PUM3: variants seen among roughly 807,000 people sequenced by gnomAD.
The protein encoded by PUM3 is pumilio homolog 3.
A neutral mutation model predicts 84.0 loss-of-function variants in PUM3; 91 were observed. The observed-to-expected ratio is 1.08, with a 90% CI of 0.91 to 1.29. The LOEUF is 1.29. Among genes scored for constraint, PUM3 ranks in the 50% most tolerant of loss-of-function variants. PUM3 has a pLI of 0.00. For synonymous variants in PUM3, 321 were observed against 266.7 expected (o/e 1.20, Z -1.98); for missense variants, 1,067 against 767.5 (o/e 1.39, Z -4.61).
intron 2 of PUM3, among the ~76,000 whole-genome samples, 192 bp from the exon 3 acceptor site, chr9:2,837,593 G>A (rs187086796): frequency 3.9e-5 from 6 of 152,122 alleles, no homozygotes; most frequent in Admixed American, 3.9e-4. Flanking sequence ...TTCTTTCCTT[G>A]ATTATAAAAC....
Position 2,804,315 on chromosome 9 carries a change from TCTTAAC to T in PUM3, c.*10_*15del. ...AACAGAAAAAATCATTCCATCTTGC[TCTTAAC>T]TCTTTCCACCTATGTGCTCAGTTTT... On this transcript the variant is annotated 3_prime_UTR_variant, in exon 18 of 18. Coordinates refer to ENST00000397885, the MANE Select transcript of PUM3 (RefSeq NM_014878.5). 1 of 1,610,814 alleles carries T rather than the reference TCTTAAC, an allele frequency of 6.2e-7. No individual in the cohort carries two copies. The highest frequency in any genetic ancestry group is 8.5e-7 in the Non-Finnish European group (1 of 1,179,072).
intron 12 of PUM3, among the ~76,000 whole-genome samples, chr9:2,820,565 A>T (rs981562002): frequency 2.0e-5 from 3 of 152,128 alleles, no homozygotes; most frequent in African/African-American, 7.2e-5. Context: ...TACATAATAC[A>T]TGTACACAGA....
chr9:2,829,388 A>C (rs1815910327), intron 8 of PUM3, among the ~76,000 whole-genome samples: 1 of 152,184 alleles, frequency 6.6e-6, no homozygotes, highest in Admixed American at 6.5e-5. Flanking sequence ...CACATGAAAA[A>C]ACACAGGAGA....
At position 2,810,430 on chromosome 9, in the gene PUM3, A is replaced by G; in HGVS notation, c.1637T>C (p.Leu546Pro). The G allele has an allele frequency of 6.2e-7, 1 of 1,602,094 alleles. No individual in the cohort carries two copies. The highest frequency in any genetic ancestry group is 8.5e-7 in the Non-Finnish European group (1 of 1,173,350). The change falls in exon 16 of 18, where the codon CTT (leucine) becomes CCT (proline). Residue 546 changes from leucine (L) to proline (P), a missense_variant and splice_region_variant. Leu to Pro is a moderately conservative substitution (Grantham distance 98). Transcript: ENST00000397885. ...TCCTGCAGGATGTTCTGCAATGTGAAGCTATGAAGGGTCAAGAACAGTTAA... is the reference window on the plus strand; with the variant it reads ...TCCTGCAGGATGTTCTGCAATGTGAGGCTATGAAGGGTCAAGAACAGTTAA... ...GLHPGGKDGE[L>P]HIAEHPAGHL...
chr9:2,806,078 A>G (rs772724285), intron 17 of PUM3, among the ~76,000 whole-genome samples: 6 of 152,228 alleles, frequency 3.9e-5, no homozygotes, highest in Non-Finnish European at 5.9e-5. Context: ...AGTGCTCCAT[A>G]ATAAACCTAT....
intron 1 of PUM3, among the ~76,000 whole-genome samples, chr9:2,841,345 G>C (rs190307972): frequency 6.6e-6 from 1 of 152,154 alleles, no homozygotes; most frequent in Non-Finnish European, 1.5e-5. Flanking sequence ...CACTTTGGGA[G>C]GCTGAGGCAG....
At chr9:2,813,227 C>G (rs1023742356) in intron 13 of PUM3, among the ~76,000 whole-genome samples, 2 of 152,184 alleles carry the variant, frequency 1.3e-5, no homozygotes, top group Admixed American at 6.5e-5. Flanking sequence ...CATCCCCACC[C>G]TAACTAAACT....
intron 3 of PUM3, among the ~76,000 whole-genome samples, chr9:2,836,823 G>C (rs913281290): frequency 1.1e-4 from 17 of 152,062 alleles, no homozygotes; most frequent in African/African-American, 3.9e-4. Context: ...GTGTGTGTGT[G>C]TGTTTTGCCC....
rs1176852765 is a variant in PUM3, at chr9:2,833,406, ACT to A, written c.465_466del (p.Arg155SerfsTer6). On this transcript the variant is annotated frameshift_variant, in exon 5 of 18. Coordinates refer to ENST00000397885, the MANE Select transcript of PUM3 (RefSeq NM_014878.5). LOFTEE classifies it high-confidence loss of function. ...CTTCTGCAAATCACTCATTAACTTTACTCTTTTTTCTTTGTCACAGTCTTTTC... is the reference window on the plus strand; with the variant it reads ...CTTCTGCAAATCACTCATTAACTTTACTTTTTTCTTTGTCACAGTCTTTTC... 3.1e-6 allele frequency: 5 copies of A among 1,588,912 alleles called. No individual in the cohort carries two copies. The highest frequency in any genetic ancestry group is 2.3e-5 in the East Asian group (1 of 44,420).
chr9:2,819,857 A>C (rs1033528522), intron 13 of PUM3, among the ~76,000 whole-genome samples, 161 bp downstream of exon 13: 4 of 152,226 alleles, frequency 2.6e-5, no homozygotes, highest in Non-Finnish European at 5.9e-5. Context: ...ACAGGAATAA[A>C]ACAAACCTCC....
In PUM3 at chr9:2,827,115, T is replaced by A; in HGVS notation, c.993A>T (p.Val331=). The change falls in exon 10 of 18, where the codon GTA becomes GTT. Residue 331 remains valine (V), a synonymous_variant. Coordinates refer to ENST00000397885, the MANE Select transcript of PUM3 (RefSeq NM_014878.5). ...GTGCATAGGTAAAAAAGTCCAAGAA[T>A]ACTTTATGCACCAATGAGTGCTTAA... is the stretch of plus-strand genomic sequence containing the variant. ...AVIKHSLVHK[V]FLDFFTYAPP... The A allele has an allele frequency of 6.2e-7, 1 of 1,609,986 alleles. No individual in the cohort carries two copies. Among genetic ancestry groups the A allele is most frequent in the Non-Finnish European group, 8.5e-7 (1 of 1,178,694 alleles).
intron 8 of PUM3, 113 bp from the exon 9 acceptor site, chr9:2,828,891 C>T: frequency 1.4e-6 from 1 of 699,284 alleles, no homozygotes; most frequent in Non-Finnish European, 2.5e-6. Flanking sequence ...TTAAGATTTC[C>T]CATATTTACA....
chr9:2,821,829 T>C (rs1012386825), intron 12 of PUM3, among the ~76,000 whole-genome samples: 10 of 152,186 alleles, frequency 6.6e-5, no homozygotes, highest in Non-Finnish European at 1.0e-4. Context: ...GGGGTACTAA[T>C]TGTAATTTTA....
chr9:2,826,341 A>T (rs1274718364), intron 10 of PUM3, among the ~76,000 whole-genome samples: 1 of 152,182 alleles, frequency 6.6e-6, no homozygotes, highest in East Asian at 1.9e-4. Context: ...AAAATCTCCA[A>T]AACAGAAGGT....
At position 2,837,311 on chromosome 9, in the gene PUM3, G is replaced by A; in HGVS notation, c.173C>T (p.Thr58Ile). 6.2e-7 allele frequency: 1 copy of A among 1,613,890 alleles called. No individual in the cohort carries two copies. The highest frequency in any genetic ancestry group is 8.5e-7 in the Non-Finnish European group (1 of 1,179,912). ...CTTTACACCCTTTTTCCCAAGTTTT[G>A]TGATACTTTTCTCAAAGTTCCTAGA... ...VTSRNFEKSI[T>I]KLGKKGVKQF... The change falls in exon 3 of 18, where the codon ACA (threonine) becomes ATA (isoleucine). Residue 58 changes from threonine to isoleucine, a missense_variant. By Grantham distance (89) the Thr-to-Ile change is moderately conservative. Coordinates refer to ENST00000397885, the MANE Select transcript of PUM3 (RefSeq NM_014878.5).
rs1302831784 is a variant in PUM3 at position 2,830,329 on chromosome 9, T to C, written c.678-381A>G. Among the ~76,000 whole-genome samples the C allele has an allele frequency of 2.6e-5, 4 of 152,354 alleles. No homozygotes were observed. In the East Asian group the frequency reaches 7.7e-4, roughly 29 times the overall value. On this transcript the variant is annotated intron_variant, in intron 7 of 17. Transcript: ENST00000397885. ...TGAAAATTTTGTCAACTGCATATATTACACTTTTTGTTGTTGATTATCATA... is the reference window on the plus strand; with the variant it reads ...TGAAAATTTTGTCAACTGCATATATCACACTTTTTGTTGTTGATTATCATA...
intron 15 of PUM3, 60 bp downstream of exon 15, chr9:2,811,301 C>A (rs1821364254): frequency 3.3e-6 from 5 of 1,528,254 alleles, no homozygotes; most frequent in Non-Finnish European, 4.5e-6. Context: ...CCACATCGTC[C>A]AAAAACGAAG....
intron 1 of PUM3, among the ~76,000 whole-genome samples, chr9:2,842,348 G>A (rs373702635): frequency 2.8e-4 from 42 of 151,984 alleles, no homozygotes; most frequent in East Asian, 1.9e-3. Context: ...TCATTTCCAT[G>A]CTCCAATAGC....
rs1477541524 is a variant in PUM3 at position 2,811,449 on chromosome 9, C to T, written c.1547G>A (p.Gly516Glu). 2 of 1,614,184 alleles carry T rather than the reference C, an allele frequency of 1.2e-6. No homozygotes were observed. The highest frequency in any genetic ancestry group is 2.2e-5 in the East Asian group (1 of 44,872). The change falls in exon 15 of 18, where the codon GGA becomes GAA. Residue 516 changes from glycine to glutamate, a missense_variant. Coordinates refer to ENST00000397885, the MANE Select transcript of PUM3 (RefSeq NM_014878.5). Reference sequence around the variant, plus strand: ...AGGCTGAACGTCTCCAGTGGCAGATCCCAGAATGTCAGACACCAACACACA... The same window carrying T: ...AGGCTGAACGTCTCCAGTGGCAGATTCCAGAATGTCAGACACCAACACACA... ...SACVLVSDILGSATGDVQPTM... is the reference protein window; with the variant it reads ...SACVLVSDILESATGDVQPTM...
Sources: allele counts gnomAD v4.1 joint callset (sites outside exome capture counted in the v4.1 genomes callset), GRCh38; gene constraint gnomAD v4.1.1; transcripts MANE v1.5; gene names NCBI Gene and HGNC (gene_info 2026-07-23, HGNC 2026-07-21).